The following DLG2 variants were observed in gnomAD, a reference collection of about 807,000 sequenced individuals.
DLG2 encodes the protein discs large MAGUK scaffold protein 2, also known as disks large homolog 2.
In DLG2, 45 loss-of-function variants were observed where a neutral mutation model predicts 132.5. That is an observed-to-expected ratio of 0.34 (90% CI 0.27 to 0.44). The LOEUF (loss-of-function observed/expected upper bound fraction) is 0.44. DLG2 is among the 20% of genes least tolerant of loss of function. DLG2 has a pLI of 1.00. For missense variants in DLG2, 1,045 were observed against 1,196.9 expected (o/e 0.87, Z 1.87); for synonymous variants, 424 against 419.6 (o/e 1.01, Z -0.13).
intron 19 of DLG2, 48 bp downstream of exon 19, chr11:83,633,163 A>G (rs2063866214): frequency 6.4e-7 from 1 of 1,568,398 alleles, no homozygotes; most frequent in African/African-American, 1.4e-5. Context: ...TGTTTTCTCA[A>G]GTTGAATTGC....
chr11:84,719,395 G>A (rs1192661267), intron 6 of DLG2, among the ~76,000 whole-genome samples: 3 of 152,162 alleles, frequency 2.0e-5, no homozygotes, highest in Non-Finnish European at 4.4e-5. Context: ...GTAGCCACAT[G>A]AAGTGTTTTA....
chr11:85,457,005 A>T (rs969147141), intron 3 of DLG2, among the ~76,000 whole-genome samples: 20 of 152,128 alleles, frequency 1.3e-4, no homozygotes, highest in Non-Finnish European at 2.5e-4. Flanking sequence ...TGCCTCAATG[A>T]TCTGTCTAAT....
intron 20 of DLG2, among the ~76,000 whole-genome samples, chr11:83,535,758 T>C (rs992535187): frequency 2.0e-4 from 31 of 152,212 alleles, no homozygotes; most frequent in African/African-American, 7.2e-4. Flanking sequence ...AAAGTTTCAT[T>C]AATAATAATA....
chr11:84,269,964 T>A (rs373861456), intron 7 of DLG2, among the ~76,000 whole-genome samples: 1 of 152,212 alleles, frequency 6.6e-6, no homozygotes, highest in Non-Finnish European at 1.5e-5. Flanking sequence ...TTGTCCTGTC[T>A]AGAATAGTGT....
intron 19 of DLG2, chr11:83,631,610 A>G (rs1009217321): frequency 6.6e-6 from 1 of 152,100 alleles, no homozygotes; most frequent in African/African-American, 2.4e-5. Context: ...GTTTTATATA[A>G]TATCATATCA....
intron 6 of DLG2, among the ~76,000 whole-genome samples, chr11:84,658,652 A>T (rs1212334650): frequency 1.3e-5 from 2 of 152,072 alleles, no homozygotes; most frequent in Admixed American, 1.3e-4. Context: ...TTCATACAAG[A>T]GTTGGTTGTT....
At chr11:85,241,331 C>G (rs560748822) in intron 4 of DLG2, among the ~76,000 whole-genome samples, 4 of 151,788 alleles carry the variant, frequency 2.6e-5, no homozygotes, top group Admixed American at 6.6e-5. Context: ...TATCATCTAC[C>G]AAAAATGTTG....
chr11:84,662,112 T>A (rs1036434246), intron 6 of DLG2, among the ~76,000 whole-genome samples: 1 of 151,794 alleles, frequency 6.6e-6, no homozygotes, highest in Non-Finnish European at 1.5e-5. Context: ...TCCTCTCACA[T>A]CATCCTGGTT....
intron 9 of DLG2, among the ~76,000 whole-genome samples, chr11:84,155,933 T>C (rs1326469670): frequency 6.6e-6 from 1 of 152,192 alleles, no homozygotes; most frequent in African/African-American, 2.4e-5. Context: ...ATCATTTTTA[T>C]GTTTTAAATA....
At chr11:83,881,462 T>A (rs1434715033) in intron 15 of DLG2, among the ~76,000 whole-genome samples, 1 of 152,208 alleles carries the variant, frequency 6.6e-6, no homozygotes, top group African/African-American at 2.4e-5. Flanking sequence ...GCATTTAAGA[T>A]GTGTTGGCCA....
chr11:84,969,510 A>C (rs182881542), intron 6 of DLG2, among the ~76,000 whole-genome samples: 11 of 152,352 alleles, frequency 7.2e-5, no homozygotes, highest in African/African-American at 2.6e-4. Context: ...CAATGATAAA[A>C]GCTTCCAATC....
chr11:85,055,997 T>C (rs1406485559), intron 6 of DLG2, among the ~76,000 whole-genome samples: 1 of 152,146 alleles, frequency 6.6e-6, no homozygotes, highest in Non-Finnish European at 1.5e-5. Context: ...CTTAATTTCT[T>C]TTCCTCTTTT....
intron 11 of DLG2, among the ~76,000 whole-genome samples, chr11:84,055,192 G>T (rs1325563361): frequency 1.3e-5 from 2 of 151,654 alleles, no homozygotes; most frequent in Admixed American, 1.3e-4. Context: ...CTCACAAATG[G>T]CACCCCAACT....
At chr11:84,923,844 C>CTGTT (rs776447189) in intron 6 of DLG2, among the ~76,000 whole-genome samples, 26 of 152,130 alleles carry the variant, frequency 1.7e-4, no homozygotes, top group Non-Finnish European at 3.2e-4. Context: ...CTTCCCTGCC[C>CTGTT]TGTTACATCT....
chr11:84,540,742 G>T (rs145415549), intron 6 of DLG2, among the ~76,000 whole-genome samples: 1 of 152,084 alleles, frequency 6.6e-6, no homozygotes, highest in African/African-American at 2.4e-5. Context: ...ACATGCACAC[G>T]TATGTTTATT....
chr11:84,573,612 TACC>T (rs2099491191), intron 6 of DLG2, among the ~76,000 whole-genome samples: 1 of 152,176 alleles, frequency 6.6e-6, no homozygotes, highest in African/African-American at 2.4e-5. Flanking sequence ...CTTTCTCAAA[TACC>T]ACCATTCAGG....
chr11:84,984,298 G>A (rs1037145004), intron 6 of DLG2, among the ~76,000 whole-genome samples: 1 of 152,084 alleles, frequency 6.6e-6, no homozygotes, highest in Non-Finnish European at 1.5e-5. Context: ...AGAAACTCTA[G>A]AAGCTAGAAG....
chr11:84,923,509 A>G (rs570547751), intron 6 of DLG2: 2 of 1,034,798 alleles, frequency 1.9e-6, no homozygotes, highest in South Asian at 3.5e-5. Context: ...AATTTAACCA[A>G]TGAGTTACTT....
intron 7 of DLG2, among the ~76,000 whole-genome samples, chr11:84,352,904 T>C (rs906237855): frequency 1.3e-5 from 2 of 152,172 alleles, no homozygotes; most frequent in African/African-American, 2.4e-5. Context: ...AGAGAACACA[T>C]AGAAGAGTTT....
Sources: allele counts gnomAD v4.1 joint callset (sites outside exome capture counted in the v4.1 genomes callset), GRCh38; gene constraint gnomAD v4.1.1; transcripts MANE v1.5; gene names NCBI Gene and HGNC (gene_info 2026-07-23, HGNC 2026-07-21).